ANKRD44: variants seen among roughly 807,000 people sequenced by gnomAD.
ANKRD44 encodes the protein serine/threonine-protein phosphatase 6 regulatory ankyrin repeat subunit B.
A neutral mutation model predicts 116.0 loss-of-function variants in ANKRD44; 35 were observed. The observed-to-expected ratio is 0.30, with a 90% CI of 0.23 to 0.40. The LOEUF (loss-of-function observed/expected upper bound fraction) is 0.40. Among genes scored for constraint, ANKRD44 ranks in the 10% least tolerant of loss-of-function variants. The probability of loss-of-function intolerance (pLI) is 1.00; values close to 1 mark genes in which losing one functional copy is unlikely to be tolerated. For synonymous variants in ANKRD44, 435 were observed against 461.8 expected, an observed-to-expected ratio of 0.94 and a Z score of 0.74; for missense variants, 1,014 against 1,242.6, an observed-to-expected ratio of 0.82 and a Z score of 2.77.
At chr2:197,248,761 G>C (rs966920102) in intron 1 of ANKRD44, among the ~76,000 whole-genome samples, 1 of 151,970 alleles carries the variant, frequency 6.6e-6, no homozygotes, top group Non-Finnish European at 1.5e-5. Context: ...GGGGAGACGA[G>C]GGGGAGGAAG....
chr2:197,223,565 TTTTG>T (rs1181079134), intron 1 of ANKRD44, among the ~76,000 whole-genome samples: 2 of 152,222 alleles, frequency 1.3e-5, no homozygotes, highest in Non-Finnish European at 2.9e-5. Context: ...TGTGTTTCCT[TTTTG>T]TTTGTTTCCA....
chr2:197,268,376 G>T (rs922714131), intron 1 of ANKRD44, among the ~76,000 whole-genome samples: 2 of 152,182 alleles, frequency 1.3e-5, no homozygotes, highest in African/African-American at 4.8e-5. Context: ...TGTGATGAAG[G>T]CTCTGACAAT....
At chr2:197,307,761 CCT>C (rs1352084339) in intron 1 of ANKRD44, among the ~76,000 whole-genome samples, 1 of 152,194 alleles carries the variant, frequency 6.6e-6, no homozygotes, top group Non-Finnish European at 1.5e-5. Flanking sequence ...ATCTGTCACC[CCT>C]GACTTTTGCC....
chr2:197,105,238 C>G (rs542348237), intron 9 of ANKRD44, among the ~76,000 whole-genome samples: 1 of 152,014 alleles, frequency 6.6e-6, no homozygotes, highest in Non-Finnish European at 1.5e-5. Context: ...CTCATCCTCC[C>G]GAGTAGCTGG....
At chr2:197,023,181 A>G (rs1282504930) in intron 17 of ANKRD44, among the ~76,000 whole-genome samples, 2 of 152,252 alleles carry the variant, frequency 1.3e-5, no homozygotes, top group Non-Finnish European at 2.9e-5. Flanking sequence ...TGTTACATCC[A>G]TTAACTCATG....
intron 1 of ANKRD44, among the ~76,000 whole-genome samples, chr2:197,293,862 T>C (rs1574463183): frequency 6.6e-6 from 1 of 152,152 alleles, no homozygotes; most frequent in Non-Finnish European, 1.5e-5. Flanking sequence ...CACATGATAA[T>C]TACCCAGGCG....
chr2:197,001,913 AAG>A, intron 21 of ANKRD44, 73 bp from the exon 22 acceptor site: 1 of 1,113,472 alleles, frequency 9.0e-7, no homozygotes, highest in Non-Finnish European at 1.3e-6. Flanking sequence ...CTTTTTCATT[AAG>A]TATTGAGTTT....
At chr2:197,211,503 G>A (rs145664501) in intron 1 of ANKRD44, among the ~76,000 whole-genome samples, 255 of 152,258 alleles carry the variant, frequency 1.7e-3, no homozygotes, top group African/African-American at 4.9e-3. Context: ...TGAAAAATAC[G>A]TTTTTAACTT....
intron 21 of ANKRD44, among the ~76,000 whole-genome samples, chr2:196,972,256 TA>T (rs1481156404): frequency 1.1e-4 from 17 of 152,170 alleles, no homozygotes; most frequent in African/African-American, 3.9e-4. Flanking sequence ...CAGGCTGGAG[TA>T]TGGTAGTGCA....
At chr2:197,224,766 G>C (rs533566239) in intron 1 of ANKRD44, among the ~76,000 whole-genome samples, 5 of 152,072 alleles carry the variant, frequency 3.3e-5, no homozygotes, top group Admixed American at 1.3e-4. Context: ...AAAGGTGAAG[G>C]GTTGGTAATG....
At chr2:197,144,439 T>A (rs1202732479) in intron 3 of ANKRD44, among the ~76,000 whole-genome samples, 1 of 152,240 alleles carries the variant, frequency 6.6e-6, no homozygotes, top group African/African-American at 2.4e-5. Flanking sequence ...ATCATCATGC[T>A]CTTGCAATAT....
intron 7 of ANKRD44, among the ~76,000 whole-genome samples, chr2:197,122,078 G>C (rs1040421650): frequency 1.3e-5 from 2 of 152,170 alleles, no homozygotes; most frequent in African/African-American, 4.8e-5. Flanking sequence ...GTGCCGTCAG[G>C]AGGTGTGTTT....
In ANKRD44 at chr2:196,988,614, C is replaced by A. The variant is rs2075865873; in HGVS notation, c.*977G>T. 1.0e-6 allele frequency: 1 copy of A among 983,910 alleles called. No individual in the cohort carries two copies. The highest frequency in any genetic ancestry group is 1.2e-6 in the Non-Finnish European group (1 of 828,740). 60.9% of individuals were successfully genotyped at this position (983,910 alleles called of 1,614,324 possible). On this transcript the variant is annotated 3_prime_UTR_variant, in exon 28 of 28. Coordinates refer to ENST00000282272, the MANE Select transcript of ANKRD44 (RefSeq NM_001195144.2). ...TATAATACAGTTATCTGTCTTTGAT[C>A]CAGATATGATAGAACATTATTTTTG...
rs2125871094 is a variant in ANKRD44 at position 196,988,236 on chromosome 2, A to C, written c.*1355T>G. ...TTCCTGCTTGAAATGCCAACTGAGC[A>C]AGATTTCCATTCACTTCTAGAAAAA... On this transcript the variant is annotated 3_prime_UTR_variant, in exon 28 of 28. Coordinates refer to ENST00000282272, the MANE Select transcript of ANKRD44 (RefSeq NM_001195144.2). The C allele has an allele frequency of 2.0e-6, 2 of 985,460 alleles. No homozygotes were observed. Among genetic ancestry groups the C allele is most frequent in the South Asian group, 9.4e-5 (2 of 21,292 alleles). The allele number at this position is 985,460 out of a possible 1,614,324, so 61.0% of individuals were successfully genotyped here.
At chr2:196,979,554 C>CCTTTTTTTT (rs2075785197) in intron 21 of ANKRD44, among the ~76,000 whole-genome samples, 3 of 59,634 alleles carry the variant, frequency 5.0e-5, no homozygotes, top group African/African-American at 1.9e-4. Context: ...AATAAGATGA[C>CCTTTTTTTT]TTTTTTTTTT....
chr2:197,275,507 A>G (rs2083051887), intron 1 of ANKRD44, among the ~76,000 whole-genome samples: 1 of 151,924 alleles, frequency 6.6e-6, no homozygotes, highest in Non-Finnish European at 1.5e-5. Context: ...TACTTCAAGT[A>G]TTCAAAGACT....
chr2:197,105,945 C>T (rs1318714881), intron 9 of ANKRD44, among the ~76,000 whole-genome samples: 3 of 152,196 alleles, frequency 2.0e-5, no homozygotes, highest in African/African-American at 7.2e-5. Context: ...CATCAATCCA[C>T]ATCCTTCCCA....
chr2:196,990,583 C>T lies in ANKRD44; in HGVS notation c.2924-934G>A, dbSNP rs1192156334. ...CTCTACTAGCTTCTGGAAGCCCAGG[C>T]CCCAAATAATACTTGAATACAACAT... is the stretch of plus-strand genomic sequence containing the variant. On this transcript the variant is annotated intron_variant, in intron 27 of 27. Transcript: ENST00000282272. 65 of 1,230,660 alleles carry T rather than the reference C, an allele frequency of 5.3e-5. No homozygotes were observed. The East Asian group carries it at 1.8e-3, about 33-fold the overall frequency. 76.2% of individuals were successfully genotyped at this position (1,230,660 alleles called of 1,614,324 possible). A position where few individuals can be genotyped will look rare whatever the true frequency, so the allele number is the denominator to read the frequency against.
intron 9 of ANKRD44, among the ~76,000 whole-genome samples, chr2:197,103,598 C>T (rs1401676859): frequency 2.0e-5 from 3 of 152,062 alleles, no homozygotes; most frequent in East Asian, 1.9e-4. Context: ...CATATACATA[C>T]CTATATATGC....
Sources: allele counts gnomAD v4.1 joint callset (sites outside exome capture counted in the v4.1 genomes callset), GRCh38; gene constraint gnomAD v4.1.1; transcripts MANE v1.5; gene names NCBI Gene and HGNC (gene_info 2026-07-23, HGNC 2026-07-21).